The following DNAH11 variants were observed in gnomAD, a reference collection of about 807,000 sequenced individuals.
The protein encoded by DNAH11 is dynein axonemal heavy chain 11, also known as axonemal beta dynein heavy chain 11.
In DNAH11, 442 loss-of-function variants were observed where a neutral mutation model predicts 526.0. The ratio of observed to expected loss-of-function variants is 0.84; its 90% CI spans 0.78 to 0.91. The LOEUF (loss-of-function observed/expected upper bound fraction) is 0.91. Among genes scored for constraint, DNAH11 ranks in the 40% least tolerant of loss-of-function variants. DNAH11 has a pLI of 0.00. For missense variants in DNAH11, 6,989 were observed against 5,448.7 expected (o/e 1.28, Z -8.90); for synonymous variants, 2,461 against 1,935.9 (o/e 1.27, Z -7.12).
At chr7:21,831,616 C>T (rs1781773466) in intron 65 of DNAH11, among the ~76,000 whole-genome samples, 1 of 152,152 alleles carries the variant, frequency 6.6e-6, no homozygotes, top group East Asian at 1.9e-4. Context: ...CTATTAACCT[C>T]TCTTTTCACA....
At chr7:21,804,784 C>G (rs1789179001) in intron 62 of DNAH11, among the ~76,000 whole-genome samples, 1 of 152,156 alleles carries the variant, frequency 6.6e-6, no homozygotes, top group African/African-American at 2.4e-5. Flanking sequence ...GCTTATTTCC[C>G]TCATTGTAGC....
At chr7:21,862,566 A>C (rs1312775716) in intron 69 of DNAH11, among the ~76,000 whole-genome samples, 1 of 152,214 alleles carries the variant, frequency 6.6e-6, no homozygotes, top group African/African-American at 2.4e-5. Context: ...GGATATATGA[A>C]TTAGCTTAAT....
rs1400420044 is a variant in DNAH11, at chr7:21,901,287, A to C, written c.*33A>C. 5.1e-6 allele frequency: 8 copies of C among 1,566,866 alleles called. No homozygotes were observed. In the Admixed American group the frequency reaches 1.5e-4, roughly 29 times the overall value. Reference sequence around the variant, plus strand: ...CTGGCATTCCTCTAGCCTCTGCTGGAGTGCAGTGAGGATTTTCTAGCATGT... The same window carrying C: ...CTGGCATTCCTCTAGCCTCTGCTGGCGTGCAGTGAGGATTTTCTAGCATGT... On this transcript the variant is annotated 3_prime_UTR_variant, in exon 82 of 82. Coordinates refer to ENST00000409508, the MANE Select transcript of DNAH11 (RefSeq NM_001277115.2).
chr7:21,837,373 CACAATG>C lies in DNAH11; in HGVS notation c.10692-5170_10692-5165del, dbSNP rs1360875554. 2.6e-5 allele frequency among the ~76,000 whole-genome samples: 4 copies of C among 152,142 alleles called. No homozygotes were observed. In the East Asian group the frequency reaches 7.7e-4, roughly 29 times the overall value. The stretch of plus-strand genomic sequence containing the variant: ...GCGTAATGAAAGTATGGTATATATA[CACAATG>C]GAATACTACTCAGTCATAAAAAAGA... On this transcript the variant is annotated intron_variant, in intron 65 of 81. Coordinates refer to ENST00000409508, the MANE Select transcript of DNAH11 (RefSeq NM_001277115.2).
chr7:21,712,753 A>T (rs1220021727), intron 42 of DNAH11, among the ~76,000 whole-genome samples: 1 of 152,204 alleles, frequency 6.6e-6, no homozygotes, highest in East Asian at 1.9e-4. Context: ...GGATCTTGTT[A>T]AAATGTTGGT....
Position 21,687,225 on chromosome 7 carries a change from A to G in DNAH11, c.5748A>G (p.Val1916=), listed in dbSNP as rs2128473955. 1 of 1,602,870 alleles carries G rather than the reference A, an allele frequency of 6.2e-7. No individual in the cohort carries two copies. The highest frequency in any genetic ancestry group is 8.5e-7 in the Non-Finnish European group (1 of 1,175,262). ...GTGCCCTTGGCATGATGGTCTATGT[A>G]TTCAACTGTTCAGAGCAAATGGACT... ...LGRALGMMVY[V]FNCSEQMDYK... Residue 1916 remains valine (V), a synonymous_variant, in exon 33 of 82, where the codon GTA becomes GTG. Coordinates refer to ENST00000409508, the MANE Select transcript of DNAH11 (RefSeq NM_001277115.2).
At chr7:21,775,822 A>T (rs552702967) in intron 56 of DNAH11, among the ~76,000 whole-genome samples, 24 of 152,276 alleles carry the variant, frequency 1.6e-4, no homozygotes, top group African/African-American at 5.8e-4. Context: ...TGTTTCACAA[A>T]GCATTTATAT....
intron 65 of DNAH11, among the ~76,000 whole-genome samples, chr7:21,819,558 G>A (rs976254452): frequency 1.3e-5 from 2 of 152,168 alleles, no homozygotes; most frequent in Admixed American, 6.5e-5. Flanking sequence ...TGAAATCCTT[G>A]TTATTAAGGT....
At chr7:21,629,845 A>G (rs1786520198) in intron 25 of DNAH11, among the ~76,000 whole-genome samples, 1 of 151,998 alleles carries the variant, frequency 6.6e-6, no homozygotes, top group Non-Finnish European at 1.5e-5. Context: ...TAGGCACTGT[A>G]TAGTTCTGTT....
chr7:21,886,567 C>A (rs1320129708), intron 76 of DNAH11, among the ~76,000 whole-genome samples: 19 of 152,144 alleles, frequency 1.2e-4, no homozygotes, highest in African/African-American at 4.6e-4. Context: ...GAGCAAGTTA[C>A]CATGGAGATG....
chr7:21,899,412 C>T lies in DNAH11; in HGVS notation c.13126C>T (p.Leu4376Phe). The change falls in exon 80 of 82, where the codon CTC becomes TTC. Residue 4376 changes from leucine (L) to phenylalanine (F), a missense_variant. Coordinates refer to ENST00000409508, the MANE Select transcript of DNAH11 (RefSeq NM_001277115.2). ...QDLTLPAVVWLSGFFNPQSFL... is the reference protein window; with the variant it reads ...QDLTLPAVVWFSGFFNPQSFL... ...CCTTACCCTTCCGGCTGTCGTGTGG[C>T]TCTCCGGCTTCTTCAACCCTCAGTC... The T allele has an allele frequency of 6.2e-7, 1 of 1,613,902 alleles. No individual in the cohort carries two copies. Among genetic ancestry groups the T allele is most frequent in the Non-Finnish European group, 8.5e-7 (1 of 1,179,810 alleles).
chr7:21,899,876 T>TAAAACACC (rs970069448), intron 80 of DNAH11, 104 bp from the exon 81 acceptor site: 1 of 1,420,642 alleles, frequency 7.0e-7, no homozygotes, highest in African/African-American at 1.4e-5. Context: ...CCCAAGAACC[T>TAAAACACC]AAAACACCCT....
chr7:21,626,521 C>A (rs372709068), intron 25 of DNAH11, among the ~76,000 whole-genome samples: 5 of 152,080 alleles, frequency 3.3e-5, no homozygotes, highest in African/African-American at 1.2e-4. Context: ...GAAAACTCTC[C>A]GTACTGTTCT....
chr7:21,782,252 C>A (rs1247181955), intron 57 of DNAH11, among the ~76,000 whole-genome samples: 3 of 152,202 alleles, frequency 2.0e-5, no homozygotes, highest in East Asian at 1.9e-4. Context: ...TCTCCAAATT[C>A]CTGCTTTAAC....
At chr7:21,763,801 CATATACATATACATAT>C (rs962755022) in intron 54 of DNAH11, among the ~76,000 whole-genome samples, 19 of 121,218 alleles carry the variant, frequency 1.6e-4, no homozygotes, top group African/African-American at 6.5e-4. Flanking sequence ...TATACATATA[CATATACATATACATAT>C]ATATACATAT....
chr7:21,884,522 T>C (rs1196231626), intron 76 of DNAH11, 112 bp downstream of exon 76: 1 of 1,168,144 alleles, frequency 8.6e-7, no homozygotes, highest in African/African-American at 1.6e-5. Flanking sequence ...TTGAGGATGC[T>C]TGGCCTTTTG....
chr7:21,841,602 G>GAGTT (rs1435992586), intron 65 of DNAH11, among the ~76,000 whole-genome samples: 2 of 152,032 alleles, frequency 1.3e-5, no homozygotes, highest in African/African-American at 4.8e-5. Flanking sequence ...GTGAGTGAGT[G>GAGTT]AGTGTGGGGG....
chr7:21,775,755 C>A (rs915625126), intron 56 of DNAH11, among the ~76,000 whole-genome samples: 1 of 152,112 alleles, frequency 6.6e-6, no homozygotes, highest in Non-Finnish European at 1.5e-5. Context: ...GACCCCTTTC[C>A]ATAAGAAAGA....
chr7:21,765,085 T>C (rs79392573), intron 54 of DNAH11, among the ~76,000 whole-genome samples: 6,115 of 152,324 alleles, frequency 0.04, 394 homozygotes, highest in African/African-American at 0.13. Context: ...TATTGTATCA[T>C]GGTGATTTCT....
Sources: gnomAD v4.1 joint callset for allele counts (sites outside exome capture counted in the v4.1 genomes callset) on GRCh38, gnomAD v4.1.1 for gene constraint, MANE v1.5 for transcripts, NCBI Gene and HGNC (gene_info 2026-07-23, HGNC 2026-07-21) for gene names.